Variants in POU6F1 observed in about 807,000 individuals in gnomAD.
The protein encoded by POU6F1 is POU class 6 homeobox 1.
Under a neutral mutation model 28.9 loss-of-function variants are expected in POU6F1, and 9 were observed. The ratio of observed to expected loss-of-function variants is 0.31; its 90% CI spans 0.19 to 0.54. POU6F1 has a LOEUF of 0.54. Ranked by LOEUF, POU6F1 falls within the 20% of genes least tolerant of loss-of-function variation. The probability of loss-of-function intolerance (pLI) is 0.94; values close to 1 mark genes in which losing one functional copy is unlikely to be tolerated. For missense variants in POU6F1, 338 were observed against 426.1 expected (o/e 0.79, Z 1.82); for synonymous variants, 173 against 171.1 (o/e 1.01, Z -0.09).
Position 51,212,065 on chromosome 12 carries a change from TTTTTTTTTG to T in POU6F1, c.-47-5191_-47-5183del, listed in dbSNP as rs1258523466. Among the ~76,000 whole-genome samples, 847 of 113,080 alleles carry T rather than the reference TTTTTTTTTG, an allele frequency of 7.5e-3. 17 individuals are homozygous for T. The East Asian group carries it at 0.13, about 17-fold the overall frequency. The allele number at this position is 113,080 out of a possible 152,430, so 74.2% of individuals were successfully genotyped here. A position where few individuals can be genotyped will look rare whatever the true frequency, so the allele number is the denominator to read the frequency against. On this transcript the variant is annotated intron_variant, in intron 1 of 10. Transcript: ENST00000333640. ...ATCCTGAAATGCCTTGCCTTTCGTT[TTTTTTTTTG>T]TTTTTTTTGTTTTGTTTGTTTGTTT...
In POU6F1 at chr12:51,204,158, G is replaced by A; in HGVS notation, c.244+15C>T. 1 of 399,080 alleles carries A rather than the reference G, an allele frequency of 2.5e-6. No homozygotes were observed. The highest frequency in any genetic ancestry group is 4.4e-5 in the Admixed American group (1 of 22,722). The allele number at this position is 399,080 out of a possible 1,614,324, so 24.7% of individuals were successfully genotyped here. On this transcript the variant is annotated intron_variant, in intron 3 of 10. Transcript: ENST00000333640. ...TCAGGTGGAGCAGTACCAGGTGGGG[G>A]TGATGGCCTCGTACCAGTTGCCTCT... is the stretch of plus-strand genomic sequence containing the variant.
intron 1 of POU6F1, among the ~76,000 whole-genome samples, chr12:51,209,095 A>G (rs11169765): frequency 0.018 from 2,708 of 152,304 alleles, 89 homozygotes; most frequent in East Asian, 0.086. Flanking sequence ...TACCCAGTTT[A>G]TGGTATTTTG....
rs779875255 is a variant in POU6F1, at chr12:51,190,478, C to T, written c.1605G>A (p.Glu535=). The T allele has an allele frequency of 5.6e-6, 9 of 1,614,048 alleles. No individual in the cohort carries two copies. The East Asian group carries it at 2.0e-4, about 36-fold the overall frequency. Residue 535 remains glutamate (E), a synonymous_variant, in exon 11 of 11, where the codon GAG becomes GAA. Transcript: ENST00000333640. This position sits in a 1 kb window ranked among gnomAD's most constrained non-coding sequence, Gnocchi z 4.5. ...TCTTGGAGGGCTCGCCTCCCACAAA[C>T]TCCATCAGGTTCTGCTGGCCTTCCT... is the stretch of plus-strand genomic sequence containing the variant. The part of the protein sequence containing the change: ...RNQEGQQNLM[E]FVGGEPSKKR...
chr12:51,215,899 G>A (rs1172442244), intron 1 of POU6F1, among the ~76,000 whole-genome samples: 2 of 152,170 alleles, frequency 1.3e-5, no homozygotes, highest in African/African-American at 2.4e-5. Context: ...ATTTATGGAA[G>A]GCACTTAAAA....
intron 1 of POU6F1, among the ~76,000 whole-genome samples, chr12:51,214,817 G>A (rs1005064276): frequency 1.3e-5 from 2 of 151,908 alleles, no homozygotes; most frequent in Admixed American, 1.3e-4. Flanking sequence ...AAATTAGCTG[G>A]GTGTGGTGGC....
At chr12:51,206,227 T>A (rs1176168716) in intron 2 of POU6F1, among the ~76,000 whole-genome samples, 1 of 150,620 alleles carries the variant, frequency 6.6e-6, no homozygotes, top group African/African-American at 2.4e-5. Context: ...ATCGAGACCA[T>A]CCTGGCTAAC....
intron 5 of POU6F1, chr12:51,198,290 G>A (rs1942977508): frequency 5.0e-6 from 2 of 396,572 alleles, no homozygotes; most frequent in East Asian, 3.6e-5. Flanking sequence ...CATGGGGTGA[G>A]TTCTGGCGTG....
At chr12:51,191,516 G>A (rs780820029) in intron 10 of POU6F1, 80 bp downstream of exon 10, 98 of 1,497,016 alleles carry the variant, frequency 6.5e-5, no homozygotes, top group South Asian at 2.8e-4. Context: ...AAAAGGGGCC[G>A]GTGCTCAGGT....
At chr12:51,198,307 G>C (rs1942979549) in intron 5 of POU6F1, 2 of 396,682 alleles carry the variant, frequency 5.0e-6, no homozygotes, top group African/African-American at 2.1e-5. Context: ...CGTGGGGGGA[G>C]AGGGGCAGTC....
intron 1 of POU6F1, among the ~76,000 whole-genome samples, chr12:51,209,843 C>T (rs1943868811): frequency 6.6e-6 from 1 of 152,184 alleles, no homozygotes; most frequent in African/African-American, 2.4e-5. Context: ...GAGCCTTCCC[C>T]TTTCAGGTAG....
intron 7 of POU6F1, 75 bp downstream of exon 7, chr12:51,196,724 C>G (rs982260132): frequency 3.9e-6 from 6 of 1,557,436 alleles, no homozygotes; most frequent in African/African-American, 1.4e-5. Flanking sequence ...TGACCCACAG[C>G]CCAAGACCTG....
intron 8 of POU6F1, 33 bp downstream of exon 8, chr12:51,195,937 T>TGGGGGGG: frequency 2.1e-6 from 2 of 945,498 alleles, no homozygotes; most frequent in Non-Finnish European, 3.2e-6. Context: ...TAGCAGAGCC[T>TGGGGGGG]GCCCCACCCC....
At chr12:51,203,935 T>TCA (rs1943394432) in intron 3 of POU6F1, among the ~76,000 whole-genome samples, 1 of 152,126 alleles carries the variant, frequency 6.6e-6, no homozygotes, top group African/African-American at 2.4e-5. Flanking sequence ...TCTTCCCACC[T>TCA]CACCCTGATC....
At chr12:51,191,884 C>A in intron 9 of POU6F1, 120 bp from the exon 10 acceptor site, 1 of 1,247,842 alleles carries the variant, frequency 8.0e-7, no homozygotes, top group Non-Finnish European at 1.1e-6. Flanking sequence ...AAAAGGCTCA[C>A]GCACCTTCAA....
intron 1 of POU6F1, among the ~76,000 whole-genome samples, chr12:51,210,000 C>T (rs1402940834): frequency 6.6e-6 from 1 of 152,092 alleles, no homozygotes; most frequent in African/African-American, 2.4e-5. Flanking sequence ...CTCTGTTGCC[C>T]AGGCTGTAAT....
At position 51,208,670 on chromosome 12, in the gene POU6F1, A is replaced by C. The variant is rs373029186; in HGVS notation, c.-47-1787T>G. Among the ~76,000 whole-genome samples the C allele has an allele frequency of 2.6e-5, 4 of 152,336 alleles. No individual in the cohort carries two copies. In the South Asian group the frequency reaches 8.3e-4, roughly 32 times the overall value. On this transcript the variant is annotated intron_variant, in intron 1 of 10. Coordinates refer to ENST00000333640, the MANE Select transcript of POU6F1 (RefSeq NM_001330422.2). ...AATGGGATTAGTGCCCATATAAAAAAGAACCAAGGCTCATGCCTGTAATCC... is the reference window on the plus strand; with the variant it reads ...AATGGGATTAGTGCCCATATAAAAACGAACCAAGGCTCATGCCTGTAATCC...
intron 3 of POU6F1, among the ~76,000 whole-genome samples, chr12:51,203,473 G>T (rs1391981021): frequency 6.6e-6 from 1 of 152,080 alleles, no homozygotes; most frequent in Non-Finnish European, 1.5e-5. Context: ...GGGAAAAATG[G>T]TCATGTCTCT....
At chr12:51,212,795 A>AG (rs1451458900) in intron 1 of POU6F1, among the ~76,000 whole-genome samples, 1 of 151,018 alleles carries the variant, frequency 6.6e-6, no homozygotes, top group Non-Finnish European at 1.5e-5. Flanking sequence ...AAAAAAAAAA[A>AG]AAAAAAGAAA....
Position 51,190,238 on chromosome 12 carries a change from G to A in POU6F1, c.*9C>T, listed in dbSNP as rs747030096. On this transcript the variant is annotated 3_prime_UTR_variant, in exon 11 of 11. Coordinates refer to ENST00000333640, the MANE Select transcript of POU6F1 (RefSeq NM_001330422.2). This position sits in a 1 kb window ranked among gnomAD's most constrained non-coding sequence, Gnocchi z 4.5. Reference sequence around the variant, plus strand: ...CAAAGTGCTAGAACACAGGGCCAGGGGCTGAGCCCTAAGGGATCTGAAAGA... The same window carrying A: ...CAAAGTGCTAGAACACAGGGCCAGGAGCTGAGCCCTAAGGGATCTGAAAGA... 3 of 1,613,498 alleles carry A rather than the reference G, an allele frequency of 1.9e-6. No individual in the cohort carries two copies. The highest frequency in any genetic ancestry group is 4.5e-5 in the East Asian group (2 of 44,876).
Sources: allele counts gnomAD v4.1 joint callset (sites outside exome capture counted in the v4.1 genomes callset), GRCh38; gene constraint gnomAD v4.1.1; non-coding constraint Gnocchi (gnomAD v3.1); transcripts MANE v1.5; gene names NCBI Gene and HGNC (gene_info 2026-07-23, HGNC 2026-07-21).